The following KLHL8 variants were observed in gnomAD, a reference collection of about 807,000 sequenced individuals.
The protein encoded by KLHL8 is kelch-like protein 8.
A neutral mutation model predicts 63.5 loss-of-function variants in KLHL8; 38 were observed. The observed-to-expected ratio is 0.60, with a 90% confidence interval of 0.46 to 0.78. KLHL8 has a LOEUF of 0.78. Among genes scored for constraint, KLHL8 ranks in the 30% least tolerant of loss-of-function variants. KLHL8 has a pLI of 0.00. For missense variants in KLHL8, 566 were observed against 752.4 expected (o/e 0.75, Z 2.90); for synonymous variants, 224 against 254.3 (o/e 0.88, Z 1.13).
rs1214746359 is a variant in KLHL8 at position 87,163,990 on chromosome 4, G to GA, written c.1626dup (p.Pro543SerfsTer21). The GA allele has an allele frequency of 6.2e-7, 1 of 1,614,044 alleles. No individual in the cohort carries two copies. The highest frequency in any genetic ancestry group is 8.5e-7 in the Non-Finnish European group (1 of 1,180,010). ...GTTGCGATTCCCACTCCACCTCTGG[G>GA]AGTAGTAAGTGCTGCCACATAATCC... On this transcript the variant is annotated frameshift_variant, in exon 9 of 10. Transcript: ENST00000273963. LOFTEE classifies it high-confidence loss of function.
At position 87,170,143 on chromosome 4, in the gene KLHL8, T is replaced by C. The variant is rs1361974374; in HGVS notation, c.1473A>G (p.Lys491=). ...TGCCTGCTCTTCGCTGACCCATTTC[T>C]TTAACTTCTATCCACTTATCCAGAT... The part of the protein sequence containing the change: ...DPHLDKWIEV[K]EMGQRRAGNG... Residue 491 remains lysine, a synonymous_variant, in exon 8 of 10, where the codon AAA becomes AAG. Coordinates refer to ENST00000273963, the MANE Select transcript of KLHL8 (RefSeq NM_020803.5). 3 of 1,614,198 alleles carry C rather than the reference T, an allele frequency of 1.9e-6. No homozygotes were observed. Among genetic ancestry groups the C allele is most frequent in the Non-Finnish European group, 1.7e-6 (2 of 1,180,018 alleles).
At chr4:87,181,285 A>AAAAAAAAAG (rs1731042883) in intron 4 of KLHL8, among the ~76,000 whole-genome samples, 1 of 101,406 alleles carries the variant, frequency 9.9e-6, no homozygotes, top group Non-Finnish European at 2.4e-5. Flanking sequence ...AAAAAAAAAG[A>AAAAAAAAAG]AAAAAAAAAA....
chr4:87,235,795 G>A (rs1485205966), intron 1 of KLHL8, among the ~76,000 whole-genome samples: 1 of 152,074 alleles, frequency 6.6e-6, no homozygotes, highest in Non-Finnish European at 1.5e-5. Context: ...CAACCCGAGG[G>A]GTAAACAGGA....
At chr4:87,222,694 C>T (rs190067326), upstream of KLHL8, among the ~76,000 whole-genome samples, 25 of 152,278 alleles carry the variant, frequency 1.6e-4, no homozygotes, top group African/African-American at 5.1e-4. Context: ...AGTGATTCTC[C>T]TGCCTCAGCC....
At chr4:87,196,139 A>T (rs1367319270) in intron 1 of KLHL8, among the ~76,000 whole-genome samples, 1 of 143,456 alleles carries the variant, frequency 7.0e-6, no homozygotes, top group Non-Finnish European at 1.5e-5. Flanking sequence ...TTAAGTTTTG[A>T]GGCTTAACTG....
At chr4:87,200,137 T>TAAAAAAAAAAA (rs1462240398) in intron 1 of KLHL8, among the ~76,000 whole-genome samples, 1 of 45,656 alleles carries the variant, frequency 2.2e-5, no homozygotes, top group African/African-American at 1.0e-4. Flanking sequence ...TGAGACTGCC[T>TAAAAAAAAAAA]CAAAAAAAAA....
rs766292708 is a variant in KLHL8, at chr4:87,195,524, T to A, written c.16A>T (p.Met6Leu). The stretch of plus-strand genomic sequence containing the variant: ...TGATTCCTAGCTTGTTTACTACTCA[T>A]AGAATCTGAAGCCATTTGCAATATT... MASDSMSSKQARNHIT... is the reference protein window; with the variant it reads MASDSLSSKQARNHIT... The change falls in exon 2 of 10, where the codon ATG becomes TTG. Residue 6 changes from methionine to leucine, a missense_variant. Coordinates refer to ENST00000273963, the MANE Select transcript of KLHL8 (RefSeq NM_020803.5). 2.5e-6 allele frequency: 4 copies of A among 1,613,048 alleles called. No homozygotes were observed. Among genetic ancestry groups the A allele is most frequent in the Non-Finnish European group, 3.4e-6 (4 of 1,179,738 alleles).
intron 1 of KLHL8, among the ~76,000 whole-genome samples, chr4:87,210,785 T>C (rs1343139842): frequency 6.6e-6 from 1 of 152,268 alleles, no homozygotes; most frequent in Non-Finnish European, 1.5e-5. Context: ...GAAATGCCCT[T>C]TACCACCCCT....
chr4:87,178,377 C>T, intron 5 of KLHL8, 100 bp downstream of exon 5: 2 of 1,227,710 alleles, frequency 1.6e-6, no homozygotes, highest in Non-Finnish European at 1.1e-6. Flanking sequence ...AAATAATTTA[C>T]AATTTAGTCA....
At position 87,197,524 on chromosome 4, in the gene KLHL8, C is replaced by T. The variant is rs536999791; in HGVS notation, c.-151-1834G>A. On this transcript the variant is annotated intron_variant, in intron 1 of 9. Coordinates refer to ENST00000273963, the MANE Select transcript of KLHL8 (RefSeq NM_020803.5). Reference sequence around the variant, plus strand: ...CTACATAATACAGCCTGGCCAATAGCTTTATTGCAGCCTTATGAGATCCTA... The same window carrying T: ...CTACATAATACAGCCTGGCCAATAGTTTTATTGCAGCCTTATGAGATCCTA... Among the ~76,000 whole-genome samples, 5 of 152,290 alleles carry T rather than the reference C, an allele frequency of 3.3e-5. No homozygotes were observed. In the South Asian group the frequency reaches 1.0e-3, roughly 32 times the overall value.
intron 1 of KLHL8, among the ~76,000 whole-genome samples, chr4:87,197,359 T>C (rs1043186345): frequency 9.9e-5 from 15 of 152,158 alleles, no homozygotes; most frequent in African/African-American, 2.9e-4. Context: ...AGGGAAACTA[T>C]AGGCAATCCC....
chr4:87,185,332 C>T lies in KLHL8; in HGVS notation c.684G>A (p.Lys228=). 1.2e-6 allele frequency: 2 copies of T among 1,614,134 alleles called. No individual in the cohort carries two copies. Among genetic ancestry groups the T allele is most frequent in the Non-Finnish European group, 1.7e-6 (2 of 1,180,024 alleles). Residue 228 remains lysine, a synonymous_variant, in exon 3 of 10, where the codon AAG becomes AAA. Coordinates refer to ENST00000273963, the MANE Select transcript of KLHL8 (RefSeq NM_020803.5). Reference sequence around the variant, plus strand: ...ACTTGATGGCAGCATTATAGACCTGCTTTTCATTTTCAATATTTAGATCAC... The same window carrying T: ...ACTTGATGGCAGCATTATAGACCTGTTTTTCATTTTCAATATTTAGATCAC... The part of the protein sequence containing the change: ...SSSDLNIENE[K]QVYNAAIKWL...
chr4:87,167,079 T>C (rs1730431506), intron 8 of KLHL8: 2 of 370,574 alleles, frequency 5.4e-6, no homozygotes, highest in Admixed American at 6.1e-5. Flanking sequence ...AACATGTCCA[T>C]GGGCTTTGGT....
intron 1 of KLHL8, chr4:87,208,190 A>T (rs567595316): frequency 1.2e-5 from 4 of 338,650 alleles, no homozygotes; most frequent in Non-Finnish European, 2.3e-5. Flanking sequence ...CTACACTGAG[A>T]ATCTCCCCTC....
intron 6 of KLHL8, among the ~76,000 whole-genome samples, chr4:87,175,592 C>T (rs1431576786): frequency 6.6e-6 from 1 of 152,170 alleles, no homozygotes; most frequent in Non-Finnish European, 1.5e-5. Context: ...GATTTGGTCA[C>T]ATGCCTTAGT....
chr4:87,235,908 T>G (rs1578413924), intron 1 of KLHL8, among the ~76,000 whole-genome samples: 5 of 145,408 alleles, frequency 3.4e-5, no homozygotes, highest in East Asian at 4.0e-4. Flanking sequence ...GGGAGGAGGG[T>G]GCGGGGGAAG....
intron 1 of KLHL8, among the ~76,000 whole-genome samples, chr4:87,228,462 A>C (rs1289743623): frequency 6.6e-6 from 1 of 152,208 alleles, no homozygotes; most frequent in Admixed American, 6.5e-5. Flanking sequence ...GCATAACCGT[A>C]TTATACTTGA....
intron 1 of KLHL8, among the ~76,000 whole-genome samples, chr4:87,212,990 C>T (rs546752563): frequency 6.6e-6 from 1 of 152,318 alleles, no homozygotes; most frequent in African/African-American, 2.4e-5. Context: ...ATATTAGATA[C>T]TACTATTATC....
Position 87,205,175 on chromosome 4 carries a change from G to A in KLHL8, c.-151-9485C>T, listed in dbSNP as rs1312644558. ...TAATCTCAGCACTTTGAGAGGACAA[G>A]CTAGGAGGATCGCTTGGGCCCAGGA... On this transcript the variant is annotated intron_variant, in intron 1 of 9. Coordinates refer to ENST00000273963, the MANE Select transcript of KLHL8 (RefSeq NM_020803.5). Among the ~76,000 whole-genome samples the A allele has an allele frequency of 2.6e-5, 4 of 152,198 alleles. No homozygotes were observed. The East Asian group carries it at 7.7e-4, about 29-fold the overall frequency.
Sources: allele counts gnomAD v4.1 joint callset (sites outside exome capture counted in the v4.1 genomes callset), GRCh38; gene constraint gnomAD v4.1.1; transcripts MANE v1.5; gene names NCBI Gene and HGNC (gene_info 2026-07-23, HGNC 2026-07-21).